The following L3MBTL4 variants were observed in gnomAD, a reference collection of about 807,000 sequenced individuals.
The protein encoded by L3MBTL4 is lethal(3)malignant brain tumor-like protein 4.
L3MBTL4 carries 70 observed loss-of-function variants against 84.5 expected under a neutral mutation model. The ratio of observed to expected loss-of-function variants is 0.83; its 90% CI spans 0.68 to 1.01. L3MBTL4 has a LOEUF of 1.01. L3MBTL4 is among the 50% of genes least tolerant of loss of function. The pLI is 0.00. For synonymous variants in L3MBTL4, 274 were observed against 259.8 expected, an observed-to-expected ratio of 1.05 and a Z score of -0.52; for missense variants, 715 against 754.8, an observed-to-expected ratio of 0.95 and a Z score of 0.62.
intron 1 of L3MBTL4, among the ~76,000 whole-genome samples, chr18:6,343,046 A>G (rs958858476): frequency 2.0e-5 from 3 of 152,238 alleles, no homozygotes; most frequent in Non-Finnish European, 4.4e-5. Context: ...TATAACAATT[A>G]TATATGCACC....
rs1219085323 is a variant in L3MBTL4 at position 5,975,138 on chromosome 18, G to A, written c.1445-5576C>T. ...GAGAAGGAAAATCCTTTATGGAAAT[G>A]TTCTTTAAAAATATGTCTGTTTCTT... On this transcript the variant is annotated intron_variant, in intron 16 of 18. Transcript: ENST00000317931. Among the ~76,000 whole-genome samples the A allele has an allele frequency of 3.3e-5, 5 of 152,122 alleles. No homozygotes were observed. In the East Asian group the frequency reaches 5.8e-4, roughly 18 times the overall value.
chr18:6,210,800 G>A (rs1041490273), intron 12 of L3MBTL4, among the ~76,000 whole-genome samples: 7 of 152,150 alleles, frequency 4.6e-5, no homozygotes, highest in Non-Finnish European at 1.0e-4. Flanking sequence ...CCTGCTTTTT[G>A]AACCAAGGAG....
intron 14 of L3MBTL4, among the ~76,000 whole-genome samples, chr18:6,118,711 T>C (rs1023250795): frequency 1.3e-5 from 2 of 152,222 alleles, no homozygotes; most frequent in Non-Finnish European, 2.9e-5. Context: ...CTAAAGTACC[T>C]AGCTAGCTCT....
chr18:6,098,906 A>C (rs1303810350), intron 14 of L3MBTL4, among the ~76,000 whole-genome samples: 1 of 152,186 alleles, frequency 6.6e-6, no homozygotes, highest in Non-Finnish European at 1.5e-5. Context: ...AGTAGGTAGG[A>C]GGCCTCCCAG....
At chr18:6,233,128 G>A (rs542791487) in intron 10 of L3MBTL4, among the ~76,000 whole-genome samples, 85 of 151,982 alleles carry the variant, frequency 5.6e-4, no homozygotes, top group African/African-American at 1.9e-3. Context: ...AACCCTTCAC[G>A]CTAAAAACTC....
chr18:6,084,430 T>A (rs892872910), intron 15 of L3MBTL4, among the ~76,000 whole-genome samples: 7 of 151,826 alleles, frequency 4.6e-5, no homozygotes, highest in African/African-American at 1.5e-4. Flanking sequence ...AAAAAAAAAA[T>A]GGTCCATAAG....
intron 1 of L3MBTL4, chr18:6,394,706 T>C (rs1333671599): frequency 1.3e-5 from 2 of 152,010 alleles, no homozygotes; most frequent in Non-Finnish European, 2.9e-5. Context: ...TATGATTTAA[T>C]TGGAAATAAT....
At chr18:6,034,281 A>G (rs1244255272) in intron 16 of L3MBTL4, among the ~76,000 whole-genome samples, 6 of 152,128 alleles carry the variant, frequency 3.9e-5, no homozygotes, top group South Asian at 2.1e-4. Flanking sequence ...ATATCTCCCA[A>G]TGTTATCCCT....
chr18:6,128,272 G>A (rs1281650003), intron 14 of L3MBTL4, among the ~76,000 whole-genome samples: 2 of 152,020 alleles, frequency 1.3e-5, no homozygotes, highest in African/African-American at 2.4e-5. Flanking sequence ...AAGACAAGGA[G>A]TGAAAAAGTT....
intron 16 of L3MBTL4, among the ~76,000 whole-genome samples, chr18:6,080,679 A>G (rs771818872): frequency 2.0e-5 from 3 of 152,190 alleles, no homozygotes; most frequent in Non-Finnish European, 4.4e-5. Flanking sequence ...TTTTACTTTT[A>G]AAATGAGAAA....
At chr18:6,351,281 A>T (rs1311494689) in intron 1 of L3MBTL4, among the ~76,000 whole-genome samples, 3 of 152,194 alleles carry the variant, frequency 2.0e-5, no homozygotes, top group African/African-American at 7.2e-5. Context: ...CAAATATTGT[A>T]TTATTCCACT....
At chr18:5,965,516 C>T (rs1205554478) in intron 17 of L3MBTL4, among the ~76,000 whole-genome samples, 1 of 152,126 alleles carries the variant, frequency 6.6e-6, no homozygotes, top group South Asian at 2.1e-4. Flanking sequence ...CCCCTGAGCC[C>T]CCACCAGTCC....
At chr18:6,263,042 A>C (rs1376673489) in intron 5 of L3MBTL4, among the ~76,000 whole-genome samples, 1 of 152,188 alleles carries the variant, frequency 6.6e-6, no homozygotes, top group Non-Finnish European at 1.5e-5. Flanking sequence ...TGGGAGGCCG[A>C]GGCAGGCGGA....
At chr18:6,250,510 C>G (rs554684404) in intron 5 of L3MBTL4, among the ~76,000 whole-genome samples, 104 of 152,252 alleles carry the variant, frequency 6.8e-4, no homozygotes, top group African/African-American at 2.4e-3. Flanking sequence ...GGGTGTATCA[C>G]GGAAGAGCGC....
chr18:6,148,392 G>GA (rs1447095780), intron 13 of L3MBTL4, among the ~76,000 whole-genome samples: 1 of 152,146 alleles, frequency 6.6e-6, no homozygotes, highest in Non-Finnish European at 1.5e-5. Context: ...ATAAAATTGT[G>GA]AGAGGTCCAC....
chr18:6,004,116 G>A (rs1028382364), intron 16 of L3MBTL4, among the ~76,000 whole-genome samples: 42 of 152,056 alleles, frequency 2.8e-4, no homozygotes, highest in African/African-American at 4.3e-4. Context: ...AATTAGCAAA[G>A]TTGGCAAAAC....
At chr18:6,325,246 C>G (rs2051654472) in intron 1 of L3MBTL4, among the ~76,000 whole-genome samples, 1 of 152,146 alleles carries the variant, frequency 6.6e-6, no homozygotes, top group Non-Finnish European at 1.5e-5. Flanking sequence ...GTGGCATATT[C>G]AGACAATATA....
intron 1 of L3MBTL4, among the ~76,000 whole-genome samples, chr18:6,331,730 T>C (rs1435773731): frequency 6.6e-6 from 1 of 151,736 alleles, no homozygotes; most frequent in Non-Finnish European, 1.5e-5. Flanking sequence ...AAGAAGTAAA[T>C]ACAAAATCTG....
chr18:6,411,870 T>G (rs1434639000), intron 1 of L3MBTL4, among the ~76,000 whole-genome samples: 1 of 152,230 alleles, frequency 6.6e-6, no homozygotes, highest in Non-Finnish European at 1.5e-5. Context: ...CCAAATGATA[T>G]GTTTAGTTTT....
Sources: allele counts gnomAD v4.1 joint callset (sites outside exome capture counted in the v4.1 genomes callset), GRCh38; gene constraint gnomAD v4.1.1; transcripts MANE v1.5; gene names NCBI Gene and HGNC (gene_info 2026-07-23, HGNC 2026-07-21).